Variants in THADA observed in about 807,000 individuals in gnomAD.
THADA encodes the protein tRNA (32-2'-O)-methyltransferase regulator THADA.
A neutral mutation model predicts 219.8 loss-of-function variants in THADA; 213 were observed. That is an observed-to-expected ratio of 0.97 (90% confidence interval 0.87 to 1.09). THADA has a LOEUF of 1.09. Among genes scored for constraint, THADA ranks in the 50% least tolerant of loss-of-function variants. The pLI is 0.00. For missense variants in THADA, 2,956 were observed against 2,311.3 expected, an observed-to-expected ratio of 1.28 and a Z score of -5.72; for synonymous variants, 1,018 against 828.9, an observed-to-expected ratio of 1.23 and a Z score of -3.92.
intron 29 of THADA, among the ~76,000 whole-genome samples, chr2:43,369,613 G>A (rs1214441066): frequency 6.6e-6 from 1 of 152,142 alleles, no homozygotes; most frequent in Non-Finnish European, 1.5e-5. Context: ...TCATTAAGAA[G>A]GCAGATTCTG....
At chr2:43,588,080 T>G (rs1053946713) in intron 4 of THADA, among the ~76,000 whole-genome samples, 5 of 152,160 alleles carry the variant, frequency 3.3e-5, no homozygotes, top group Admixed American at 6.5e-5. Flanking sequence ...AAGTGTGGTG[T>G]TGGTGTATGA....
In THADA at chr2:43,430,400, G is replaced by C. The variant is rs1679086121; in HGVS notation, c.3837-98C>G. ...AAAAGGAAGATAAGTACGGTTGTTT[G>C]GATATTTAATTAAATACAGTTAAAA... is the stretch of plus-strand genomic sequence containing the variant. On this transcript the variant is annotated intron_variant, in intron 26 of 37. Coordinates refer to ENST00000405975, the MANE Select transcript of THADA (RefSeq NM_022065.5). 2 of 627,252 alleles carry C rather than the reference G, an allele frequency of 3.2e-6. 1 individual carries two copies. The highest frequency in any genetic ancestry group is 4.7e-5 in the South Asian group (2 of 42,396). The allele number at this position is 627,252 out of a possible 1,614,324, so 38.9% of individuals were successfully genotyped here. A position where few individuals can be genotyped will look rare whatever the true frequency, so the allele number is the denominator to read the frequency against.
intron 26 of THADA, among the ~76,000 whole-genome samples, chr2:43,483,954 T>C (rs1190643336): frequency 6.6e-6 from 1 of 151,958 alleles, no homozygotes; most frequent in Non-Finnish European, 1.5e-5. Flanking sequence ...ATTAACAAAA[T>C]AGACAAAGCT....
chr2:43,367,228 T>C (rs1347094746), intron 29 of THADA, among the ~76,000 whole-genome samples: 1 of 152,220 alleles, frequency 6.6e-6, no homozygotes, highest in African/African-American at 2.4e-5. Flanking sequence ...GTTTCAGTTC[T>C]GCAAGATGAA....
At chr2:43,532,412 C>CA (rs773523844) in intron 21 of THADA, among the ~76,000 whole-genome samples, 1,551 of 46,412 alleles carry the variant, frequency 0.033, 44 homozygotes, top group African/African-American at 0.063. Context: ...GACTCCACCT[C>CA]AAAAAAAAAA....
chr2:43,251,783 C>T (rs536816341), intron 36 of THADA, among the ~76,000 whole-genome samples: 1 of 152,240 alleles, frequency 6.6e-6, no homozygotes, highest in Non-Finnish European at 1.5e-5. Context: ...ACCTCCTCCC[C>T]TATCCTCATG....
chr2:43,536,665 A>G (rs932420087), intron 21 of THADA, among the ~76,000 whole-genome samples: 1 of 152,200 alleles, frequency 6.6e-6, no homozygotes, highest in Non-Finnish European at 1.5e-5. Context: ...TAATTCACCA[A>G]CAGACTAATT....
intron 22 of THADA, among the ~76,000 whole-genome samples, chr2:43,512,923 C>G (rs1690681238): frequency 6.6e-6 from 1 of 152,156 alleles, no homozygotes; most frequent in Non-Finnish European, 1.5e-5. Flanking sequence ...CACAGCTGCT[C>G]TTACTTCATT....
intron 24 of THADA, among the ~76,000 whole-genome samples, chr2:43,504,233 T>C (rs1689376638): frequency 6.6e-6 from 1 of 152,160 alleles, no homozygotes; most frequent in East Asian, 1.9e-4. Flanking sequence ...TTTTGAATGG[T>C]GATTAACAAC....
chr2:43,517,690 A>G (rs1271628244), intron 22 of THADA, among the ~76,000 whole-genome samples: 3 of 152,138 alleles, frequency 2.0e-5, no homozygotes, highest in Admixed American at 2.0e-4. Context: ...ACGCACGTGC[A>G]CTTCATTTGC....
intron 31 of THADA, among the ~76,000 whole-genome samples, chr2:43,302,889 T>A (rs1038341580): frequency 6.6e-6 from 1 of 152,006 alleles, no homozygotes; most frequent in African/African-American, 2.4e-5. Flanking sequence ...TGACTAGCCA[T>A]TGCACTTCAG....
At chr2:43,445,737 A>G (rs1681445888) in intron 26 of THADA, among the ~76,000 whole-genome samples, 1 of 152,210 alleles carries the variant, frequency 6.6e-6, no homozygotes, top group South Asian at 2.1e-4. Flanking sequence ...GCGGTAGCAC[A>G]GTCAGAGCTC....
At chr2:43,594,584 C>CAAAT (rs34191249) in intron 1 of THADA, among the ~76,000 whole-genome samples, 4,689 of 148,972 alleles carry the variant, frequency 0.031, 137 homozygotes, top group Admixed American at 0.095. Flanking sequence ...AACTCCATCT[C>CAAAT]AAATAAATAA....
At chr2:43,447,475 C>T (rs1429057967) in intron 26 of THADA, among the ~76,000 whole-genome samples, 1 of 152,160 alleles carries the variant, frequency 6.6e-6, no homozygotes, top group Admixed American at 6.5e-5. Context: ...TACAAAGATC[C>T]CCTTTCCCTT....
At chr2:43,403,972 A>T (rs928082713) in intron 28 of THADA, among the ~76,000 whole-genome samples, 12 of 152,230 alleles carry the variant, frequency 7.9e-5, no homozygotes, top group African/African-American at 2.9e-4. Context: ...CCTATTTAAT[A>T]GGCCATCTCT....
intron 29 of THADA, among the ~76,000 whole-genome samples, chr2:43,380,595 T>C (rs1671892519): frequency 6.6e-6 from 1 of 152,106 alleles, no homozygotes; most frequent in Non-Finnish European, 1.5e-5. Context: ...CATAAATGGG[T>C]TAGTATACAT....
intron 23 of THADA, 73 bp from the exon 24 acceptor site, chr2:43,505,808 A>G (rs1689600900): frequency 9.2e-7 from 1 of 1,086,440 alleles, no homozygotes; most frequent in African/African-American, 1.6e-5. Context: ...CCCTGGATCA[A>G]TCCCAAAATG....
chr2:43,296,311 G>A (rs889015676), intron 31 of THADA, among the ~76,000 whole-genome samples: 4 of 149,504 alleles, frequency 2.7e-5, no homozygotes, highest in African/African-American at 7.4e-5. Context: ...AATCTCCCTC[G>A]GTCACCCAGG....
rs1301244624 is a variant in THADA, at chr2:43,552,188, C to T, written c.2810+16G>A. On this transcript the variant is annotated intron_variant, in intron 18 of 37. Transcript: ENST00000405975. ...AATGGATTTCTGAGACAGGAGGCAG[C>T]TGTGGAAATCCTTACTTTAGAGATA... The T allele has an allele frequency of 3.1e-6, 5 of 1,600,122 alleles. No individual in the cohort carries two copies. In the East Asian group the frequency reaches 6.7e-5, roughly 21 times the overall value.
Sources: allele counts gnomAD v4.1 joint callset (sites outside exome capture counted in the v4.1 genomes callset), GRCh38; gene constraint gnomAD v4.1.1; transcripts MANE v1.5; gene names NCBI Gene and HGNC (gene_info 2026-07-23, HGNC 2026-07-21).